Variants in RBM19 observed in about 807,000 individuals in gnomAD.
RBM19 encodes the protein probable RNA-binding protein 19.
RBM19 carries 94 observed loss-of-function variants against 116.8 expected under a neutral mutation model. That is an observed-to-expected ratio of 0.80 (90% CI 0.68 to 0.95). The LOEUF (loss-of-function observed/expected upper bound fraction) is 0.95. RBM19 is among the 40% of genes least tolerant of loss of function. The pLI is 0.00. For synonymous variants in RBM19, 475 were observed against 494.1 expected (o/e 0.96, Z 0.51); for missense variants, 1,161 against 1,220.7 (o/e 0.95, Z 0.73).
chr12:113,891,400 T>C (rs538360637), intron 21 of RBM19, among the ~76,000 whole-genome samples: 1 of 152,218 alleles, frequency 6.6e-6, no homozygotes, highest in African/African-American at 2.4e-5. Flanking sequence ...TCAGCACTTT[T>C]CCACATTTCT....
intron 21 of RBM19, among the ~76,000 whole-genome samples, chr12:113,895,450 C>A (rs539554971): frequency 6.6e-6 from 1 of 152,122 alleles, no homozygotes; most frequent in African/African-American, 2.4e-5. Flanking sequence ...AGGATACGTA[C>A]GGCATTATGA....
At chr12:113,840,608 GTGGGATGGCCTGA>G (rs1419014058) in intron 23 of RBM19, among the ~76,000 whole-genome samples, 1 of 152,244 alleles carries the variant, frequency 6.6e-6, no homozygotes, top group Non-Finnish European at 1.5e-5. Context: ...TGGCCGACAG[GTGGGATGGCCTGA>G]TGGGAGGCCG....
chr12:113,962,209 G>C (rs1198310892), intron 2 of RBM19, 23 bp downstream of exon 2: 5 of 1,612,198 alleles, frequency 3.1e-6, no homozygotes, highest in East Asian at 2.2e-5. Context: ...AGGAAGGTAA[G>C]GGTGAGACTC....
At chr12:113,929,401 C>T (rs1420384481) in intron 16 of RBM19, among the ~76,000 whole-genome samples, 3 of 151,086 alleles carry the variant, frequency 2.0e-5, no homozygotes, top group Non-Finnish European at 4.4e-5. Flanking sequence ...AGAATCGAGA[C>T]TCAGATACCA....
At chr12:113,855,286 G>A (rs1877804594) in intron 22 of RBM19, among the ~76,000 whole-genome samples, 2 of 151,638 alleles carry the variant, frequency 1.3e-5, no homozygotes, top group Admixed American at 1.3e-4. Context: ...TGTTCTGGGA[G>A]TTGAGATACC....
At chr12:113,850,967 G>T (rs758014489) in intron 22 of RBM19, among the ~76,000 whole-genome samples, 9 of 152,200 alleles carry the variant, frequency 5.9e-5, no homozygotes, top group Non-Finnish European at 1.3e-4. Flanking sequence ...TGGGAGGAGG[G>T]TCTGCCTCCC....
At chr12:113,876,411 T>C (rs1260431024) in intron 21 of RBM19, among the ~76,000 whole-genome samples, 1 of 152,236 alleles carries the variant, frequency 6.6e-6, no homozygotes, top group East Asian at 1.9e-4. Flanking sequence ...ATGGTCTCCA[T>C]GCTCAACAGT....
chr12:113,855,751 T>C (rs943478166), intron 22 of RBM19, among the ~76,000 whole-genome samples: 4 of 152,182 alleles, frequency 2.6e-5, no homozygotes, highest in African/African-American at 9.7e-5. Context: ...ACTCCATGTC[T>C]CTGGCAGTAT....
In RBM19 at chr12:113,823,114, G is replaced by T; in HGVS notation, c.*110C>A. The T allele has an allele frequency of 1.0e-6, 1 of 1,003,172 alleles. No homozygotes were observed. The highest frequency in any genetic ancestry group is 1.5e-6 in the Non-Finnish European group (1 of 683,626). The allele number at this position is 1,003,172 out of a possible 1,614,324, so 62.1% of individuals were successfully genotyped here. ...CCTTGGACCAGTGCAGGGTGGGGCC[G>T]CCTGCCGCTCCCCGCCCCGCCCCCC... On this transcript the variant is annotated 3_prime_UTR_variant, in exon 24 of 24. Coordinates refer to ENST00000261741, the MANE Select transcript of RBM19 (RefSeq NM_016196.4).
intron 22 of RBM19, among the ~76,000 whole-genome samples, chr12:113,845,553 AAT>A (rs986670223): frequency 2.0e-5 from 3 of 151,964 alleles, no homozygotes; most frequent in African/African-American, 7.3e-5. Flanking sequence ...TCATCAAATC[AAT>A]TTTAGAACAT....
intron 21 of RBM19, among the ~76,000 whole-genome samples, chr12:113,890,861 C>T (rs1880916585): frequency 6.6e-6 from 1 of 152,218 alleles, no homozygotes; most frequent in African/African-American, 2.4e-5. Flanking sequence ...GATCACAGCT[C>T]ACTGTAGCCT....
At chr12:113,945,797 T>C (rs762668148) in intron 13 of RBM19, 31 bp downstream of exon 13, 3 of 1,506,312 alleles carry the variant, frequency 2.0e-6, no homozygotes, top group Admixed American at 3.4e-5. Context: ...TTGGCCCAGA[T>C]CCCAGAGAGG....
intron 1 of RBM19, among the ~76,000 whole-genome samples, chr12:113,964,030 G>A (rs1872688425): frequency 1.3e-5 from 2 of 152,224 alleles, no homozygotes; most frequent in African/African-American, 4.8e-5. Context: ...TCACATGTCA[G>A]TGATGCACCT....
chr12:113,845,783 A>T (rs1044149695), intron 22 of RBM19, among the ~76,000 whole-genome samples: 3 of 152,174 alleles, frequency 2.0e-5, no homozygotes, highest in Admixed American at 6.5e-5. Flanking sequence ...CTCATCCCCA[A>T]ACACTCCCAC....
intron 18 of RBM19, among the ~76,000 whole-genome samples, chr12:113,921,981 CG>C (rs1566018521): frequency 1.3e-5 from 2 of 152,130 alleles, no homozygotes; most frequent in African/African-American, 4.8e-5. Flanking sequence ...TCTGGCATTG[CG>C]GGGTGGGGGG....
chr12:113,959,917 G>A lies in RBM19; in HGVS notation c.340-14C>T. 1 of 1,614,170 alleles carries A rather than the reference G, an allele frequency of 6.2e-7. No homozygotes were observed. Among genetic ancestry groups the A allele is most frequent in the Non-Finnish European group, 8.5e-7 (1 of 1,180,018 alleles). ...CTTCTTCTCATCCTGAAAACAGAAG[G>A]CACAGAGAGTGAGGGTCACACAGAT... is the stretch of plus-strand genomic sequence containing the variant. On this transcript the variant is annotated splice_polypyrimidine_tract_variant and intron_variant, in intron 3 of 23. Transcript: ENST00000261741.
chr12:113,870,285 C>T (rs555648569), intron 21 of RBM19, among the ~76,000 whole-genome samples: 33 of 152,270 alleles, frequency 2.2e-4, no homozygotes, highest in Non-Finnish European at 4.1e-4. Context: ...TCAGGGTGGC[C>T]GCTCAACTTC....
chr12:113,837,068 C>G (rs529803408), intron 23 of RBM19, among the ~76,000 whole-genome samples: 76 of 140,874 alleles, frequency 5.4e-4, no homozygotes, highest in Admixed American at 3.0e-3. Context: ...GCATACCTAT[C>G]CCCCTACTTA....
chr12:113,885,281 C>T (rs922200648), intron 21 of RBM19, among the ~76,000 whole-genome samples: 1 of 152,224 alleles, frequency 6.6e-6, no homozygotes, highest in Non-Finnish European at 1.5e-5. Context: ...ATGTGAGAAT[C>T]CTAACCAATC....
Sources: allele counts gnomAD v4.1 joint callset (sites outside exome capture counted in the v4.1 genomes callset), GRCh38; gene constraint gnomAD v4.1.1; transcripts MANE v1.5; gene names NCBI Gene and HGNC (gene_info 2026-07-23, HGNC 2026-07-21).